GPAT4: variants seen among roughly 807,000 people sequenced by gnomAD.
GPAT4 encodes the protein 1-AGP acyltransferase 6.
In GPAT4, 17 loss-of-function variants were observed where a neutral mutation model predicts 58.0. The observed-to-expected ratio is 0.29, with a 90% confidence interval of 0.20 to 0.44. The LOEUF is 0.44. Ranked by LOEUF, GPAT4 falls within the 20% of genes least tolerant of loss-of-function variation. The pLI, the probability that GPAT4 is intolerant of heterozygous loss-of-function variation, is 1.00. For synonymous variants in GPAT4, 204 were observed against 210.1 expected (o/e 0.97, Z 0.25); for missense variants, 377 against 574.5 (o/e 0.66, Z 3.51).
intron 10 of GPAT4, among the ~76,000 whole-genome samples, chr8:41,616,286 G>A (rs934151523): frequency 6.6e-5 from 10 of 152,168 alleles, no homozygotes; most frequent in Non-Finnish European, 1.5e-4. Context: ...CACACCCAGG[G>A]TTTCTGAACT....
intron 12 of GPAT4, 81 bp from the exon 13 acceptor site, chr8:41,620,812 G>C: frequency 6.5e-7 from 1 of 1,527,518 alleles, no homozygotes; most frequent in Non-Finnish European, 8.8e-7. Flanking sequence ...TGGTGTTTGG[G>C]CAGCATGGTG....
In GPAT4 at chr8:41,613,162, C is replaced by T. The variant is rs183385017; in HGVS notation, c.911+202C>T. On this transcript the variant is annotated intron_variant, in intron 8 of 12. Transcript: ENST00000396987. ...CTGTAATCCCAGCAGTTTGGGAGGC[C>T]GAGGTGGGCGGATCACTTGAGGTCA... Among the ~76,000 whole-genome samples, 4 of 152,050 alleles carry T rather than the reference C, an allele frequency of 2.6e-5. No individual in the cohort carries two copies. In the South Asian group the frequency reaches 6.2e-4, roughly 24 times the overall value.
chr8:41,581,584 C>A (rs62509797), intron 1 of GPAT4, among the ~76,000 whole-genome samples: 1 of 148,344 alleles, frequency 6.7e-6, no homozygotes, highest in African/African-American at 2.5e-5. Flanking sequence ...CCCAAAGGGT[C>A]GGAATTACAG....
In GPAT4 at chr8:41,599,088, C is replaced by T. The variant is rs1803012072; in HGVS notation, c.-52C>T. ...GCTGTCAGGAAGGACCATCTGAAGG[C>T]TGCAATTTGTTCTTAGGGAGGCAGG... is the stretch of plus-strand genomic sequence containing the variant. On this transcript the variant is annotated 5_prime_UTR_variant, in exon 2 of 13. Coordinates refer to ENST00000396987, the MANE Select transcript of GPAT4 (RefSeq NM_178819.4). The T allele has an allele frequency of 1.9e-6, 3 of 1,567,490 alleles. No homozygotes were observed. The highest frequency in any genetic ancestry group is 2.1e-5 in the Admixed American group (1 of 47,942).
intron 10 of GPAT4, among the ~76,000 whole-genome samples, chr8:41,617,001 A>G (rs1374828467): frequency 6.6e-6 from 1 of 152,178 alleles, no homozygotes; most frequent in Non-Finnish European, 1.5e-5. Context: ...ATAGAGAATC[A>G]GCCCGAAACA....
At chr8:41,585,691 G>A (rs190223001) in intron 1 of GPAT4, among the ~76,000 whole-genome samples, 1 of 152,310 alleles carries the variant, frequency 6.6e-6, no homozygotes, top group African/African-American at 2.4e-5. Flanking sequence ...CTTTTTTGAG[G>A]TCAGACAGCC....
chr8:41,620,371 C>G (rs377506992), intron 12 of GPAT4, among the ~76,000 whole-genome samples: 6 of 152,314 alleles, frequency 3.9e-5, no homozygotes, highest in African/African-American at 1.4e-4. Context: ...GGAGGTAAAC[C>G]TCCATTCCTG....
intron 1 of GPAT4, among the ~76,000 whole-genome samples, chr8:41,593,136 T>A (rs1300753095): frequency 1.3e-5 from 2 of 152,222 alleles, no homozygotes; most frequent in Non-Finnish European, 2.9e-5. Flanking sequence ...ATTTCAAGAT[T>A]ATGCGTTTGG....
In GPAT4 at chr8:41,610,815, G is replaced by A. The variant is rs1454481991; in HGVS notation, c.611+5G>A. The stretch of plus-strand genomic sequence containing the variant: ...GGGATACTTGCCAAATGGGAGGTGA[G>A]TAGAGTGTGGCAGTCCATGCCTGAA... On this transcript the variant is annotated splice_donor_5th_base_variant and intron_variant, in intron 5 of 12. Coordinates refer to ENST00000396987, the MANE Select transcript of GPAT4 (RefSeq NM_178819.4). The A allele has an allele frequency of 1.9e-6, 3 of 1,607,306 alleles. No homozygotes were observed. The highest frequency in any genetic ancestry group is 2.5e-6 in the Non-Finnish European group (3 of 1,176,648).
intron 1 of GPAT4, among the ~76,000 whole-genome samples, chr8:41,580,157 A>G (rs1327564412): frequency 6.6e-6 from 1 of 152,262 alleles, no homozygotes; most frequent in Non-Finnish European, 1.5e-5. Flanking sequence ...GCCTTAAATT[A>G]TTTCTTAAAA....
At position 41,585,279 on chromosome 8, in the gene GPAT4, G is replaced by A. The variant is rs1050590285; in HGVS notation, c.-849+7001G>A. Among the ~76,000 whole-genome samples the A allele has an allele frequency of 3.9e-5, 6 of 152,274 alleles. No homozygotes were observed. In the South Asian group the frequency reaches 8.3e-4, roughly 21 times the overall value. Reference sequence around the variant, plus strand: ...AGAAATGGATGCTTTTTTCTGAATTGTAATCCACCCTAAAGCAAGTGAGGA... The same window carrying A: ...AGAAATGGATGCTTTTTTCTGAATTATAATCCACCCTAAAGCAAGTGAGGA... On this transcript the variant is annotated intron_variant, in intron 1 of 12. Transcript: ENST00000396987.
chr8:41,608,353 C>T (rs564646764), intron 2 of GPAT4, among the ~76,000 whole-genome samples: 3 of 152,380 alleles, frequency 2.0e-5, no homozygotes, highest in South Asian at 4.1e-4. Context: ...GGCTCGTGCC[C>T]ACTGTGCATA....
At chr8:41,614,259 A>G in intron 8 of GPAT4, 127 bp from the exon 9 acceptor site, 1 of 742,926 alleles carries the variant, frequency 1.3e-6, no homozygotes, top group East Asian at 2.8e-5. Context: ...GTTTAAAAGG[A>G]TACAGTTATG....
In GPAT4 at chr8:41,599,287, C is replaced by T. The variant is rs757200224; in HGVS notation, c.148C>T (p.Leu50=). The T allele has an allele frequency of 3.3e-5, 54 of 1,613,828 alleles. 1 individual carries two copies. The highest frequency in any genetic ancestry group is 1.5e-4 in the Admixed American group (9 of 59,938). Reference sequence around the variant, plus strand: ...TATCCGCAAACTCTACATGAAAAGTCTGTTAAAAATCTTTGCGGTAAGTTA... The same window carrying T: ...TATCCGCAAACTCTACATGAAAAGTTTGTTAAAAATCTTTGCGGTAAGTTA... ...FGIRKLYMKS[L]LKIFAWATLR... is the part of the protein sequence containing the mutation. The change falls in exon 2 of 13, where the codon CTG becomes TTG. Residue 50 remains leucine, a synonymous_variant. Coordinates refer to ENST00000396987, the MANE Select transcript of GPAT4 (RefSeq NM_178819.4).
intron 5 of GPAT4, 119 bp from the exon 6 acceptor site, chr8:41,611,784 G>T: frequency 2.4e-6 from 2 of 818,964 alleles, no homozygotes; most frequent in Non-Finnish European, 2.0e-6. Flanking sequence ...TCCTGTAGGT[G>T]CTGATGTCTA....
rs1026355215 is a variant in GPAT4 at position 41,614,498 on chromosome 8, C to T, written c.967+57C>T. The T allele has an allele frequency of 8.5e-6, 13 of 1,537,628 alleles. No homozygotes were observed. The African/African-American group carries it at 1.4e-4, about 16-fold the overall frequency. On this transcript the variant is annotated intron_variant, in intron 9 of 12. Coordinates refer to ENST00000396987, the MANE Select transcript of GPAT4 (RefSeq NM_178819.4). ...CTGTGGGGAGTGCAGGAGTGTGATGCTGATGTTTCCTGGGAACCAAGGCCC... is the reference window on the plus strand; with the variant it reads ...CTGTGGGGAGTGCAGGAGTGTGATGTTGATGTTTCCTGGGAACCAAGGCCC...
At chr8:41,597,742 A>C (rs778811879) in intron 1 of GPAT4, among the ~76,000 whole-genome samples, 1 of 152,222 alleles carries the variant, frequency 6.6e-6, no homozygotes, top group African/African-American at 2.4e-5. Flanking sequence ...AGAGTGAAGG[A>C]GCTCTATGTG....
intron 1 of GPAT4, among the ~76,000 whole-genome samples, chr8:41,583,061 A>G (rs939752037): frequency 1.6e-4 from 25 of 152,064 alleles, no homozygotes; most frequent in Non-Finnish European, 2.9e-4. Context: ...CTTCTCCACT[A>G]AAAATACAAA....
At chr8:41,580,008 C>T (rs908884222) in intron 1 of GPAT4, among the ~76,000 whole-genome samples, 3 of 152,116 alleles carry the variant, frequency 2.0e-5, no homozygotes, top group African/African-American at 4.8e-5. Context: ...CTCGAGGCTG[C>T]GGTTCCACTG....
Sources: allele counts gnomAD v4.1 joint callset (sites outside exome capture counted in the v4.1 genomes callset), GRCh38; gene constraint gnomAD v4.1.1; transcripts MANE v1.5; gene names NCBI Gene and HGNC (gene_info 2026-07-23, HGNC 2026-07-21).